Variants in BUD13 observed in about 807,000 individuals in gnomAD.
The protein encoded by BUD13 is BUD13 spliceosome associated protein.
BUD13 carries 47 observed loss-of-function variants against 62.5 expected under a neutral mutation model. The observed-to-expected ratio is 0.75, with a 90% CI of 0.60 to 0.96. The LOEUF is 0.96. BUD13 is among the 40% of genes least tolerant of loss of function. BUD13 has a pLI of 0.00. For missense variants in BUD13, 821 were observed against 790.9 expected (o/e 1.04, Z -0.46); for synonymous variants, 293 against 280.1 (o/e 1.05, Z -0.46).
At position 116,748,201 on chromosome 11, in the gene BUD13, A is replaced by G. The variant is rs1196125633; in HGVS notation, c.*281T>C. On this transcript the variant is annotated 3_prime_UTR_variant, in exon 10 of 10. Transcript: ENST00000260210. ...TAAAAAAATAAATACATGTTTATTT[A>G]AAAAAGAAAAAGAAAAACCCTACCA... 3.1e-6 allele frequency: 1 copy of G among 320,580 alleles called. No homozygotes were observed. The highest frequency in any genetic ancestry group is 5.7e-6 in the Non-Finnish European group (1 of 175,540). 19.9% of individuals were successfully genotyped at this position (320,580 alleles called of 1,614,324 possible).
intron 3 of BUD13, 49 bp from the exon 4 acceptor site, chr11:116,763,315 C>G (rs764111004): frequency 6.8e-7 from 1 of 1,480,412 alleles, no homozygotes; most frequent in South Asian, 1.4e-5. Flanking sequence ...CTCTGTCCCT[C>G]TGTCCACCCC....
chr11:116,769,479 A>T (rs1232624389), intron 2 of BUD13, among the ~76,000 whole-genome samples: 2 of 152,216 alleles, frequency 1.3e-5, no homozygotes, highest in African/African-American at 4.8e-5. Context: ...AAAGGAGCAA[A>T]TAAAAAGTTC....
At chr11:116,749,614 C>T (rs898457572) in intron 9 of BUD13, among the ~76,000 whole-genome samples, 1 of 151,960 alleles carries the variant, frequency 6.6e-6, no homozygotes, top group African/African-American at 2.4e-5. Context: ...ATGGCTGGAA[C>T]CTGAAGTATG....
intron 6 of BUD13, 98 bp from the exon 7 acceptor site, chr11:116,758,505 A>C (rs1051177845): frequency 3.5e-5 from 49 of 1,383,932 alleles, no homozygotes; most frequent in Non-Finnish European, 4.4e-5. Context: ...CTAGATAAGA[A>C]CTTCTGCAGC....
At chr11:116,752,137 G>C (rs753675016) in intron 9 of BUD13, among the ~76,000 whole-genome samples, 2 of 152,030 alleles carry the variant, frequency 1.3e-5, no homozygotes, top group African/African-American at 4.8e-5. Flanking sequence ...TAGTAGAGAC[G>C]AGGTTTCACC....
At chr11:116,752,553 A>C (rs981008241) in intron 9 of BUD13, among the ~76,000 whole-genome samples, 1 of 152,166 alleles carries the variant, frequency 6.6e-6, no homozygotes, top group Non-Finnish European at 1.5e-5. Context: ...ATTAAAAAAC[A>C]AAAAACAAAA....
At position 116,757,829 on chromosome 11, in the gene BUD13, C is replaced by T; in HGVS notation, c.1621G>A (p.Glu541Lys). 1 of 1,614,184 alleles carries T rather than the reference C, an allele frequency of 6.2e-7. No individual in the cohort carries two copies. Among genetic ancestry groups the T allele is most frequent in the Non-Finnish European group, 8.5e-7 (1 of 1,180,030 alleles). Residue 541 changes from glutamate to lysine, a missense_variant, in exon 8 of 10, where the codon GAG becomes AAG. Around this residue, in one of 2 missense-constraint regions of BUD13, gnomAD observed 800 missense variants for 739.2 expected, o/e 1.08. Transcript: ENST00000260210. ...LDRMLREQER[E>K]GDPMANFIKK... is the part of the protein sequence containing the mutation. ...ATGAAGTTGGCCATAGGGTCCCCCTCTCTTTCCTGTTCTCTTAGCATCCTA... is the reference window on the plus strand; with the variant it reads ...ATGAAGTTGGCCATAGGGTCCCCCTTTCTTTCCTGTTCTCTTAGCATCCTA...
In BUD13 at chr11:116,758,314, T is replaced by C. The variant is rs1300179722; in HGVS notation, c.1454A>G (p.Glu485Gly). 6.2e-7 allele frequency: 1 copy of C among 1,614,242 alleles called. No individual in the cohort carries two copies. Residue 485 changes from glutamate to glycine, a missense_variant, in exon 7 of 10, where the codon GAA (glutamate) becomes GGA (glycine). Coordinates refer to ENST00000260210, the MANE Select transcript of BUD13 (RefSeq NM_032725.4). ...LERLEQRRKA[E>G]KDSERDELYA... ...CAGCTCATCTCTCTCTGAGTCCTTTTCTGCTTTCCTCCTTTGCTCTAAACG... is the reference window on the plus strand; with the variant it reads ...CAGCTCATCTCTCTCTGAGTCCTTTCCTGCTTTCCTCCTTTGCTCTAAACG...
Position 116,750,110 on chromosome 11 carries a change from T to C in BUD13, c.1767-1535A>G, listed in dbSNP as rs200143512. On this transcript the variant is annotated intron_variant, in intron 9 of 9. Transcript: ENST00000260210. ...TTGGAAATCATGTACATATAGGTCA[T>C]AGTTGAAAACATGACTAGGTAAGAA... 2.0e-5 allele frequency among the ~76,000 whole-genome samples: 3 copies of C among 152,306 alleles called. No homozygotes were observed. The East Asian group carries it at 5.8e-4, about 29-fold the overall frequency.
chr11:116,759,923 C>T (rs1035513974), intron 5 of BUD13, among the ~76,000 whole-genome samples: 6 of 152,168 alleles, frequency 3.9e-5, no homozygotes, highest in African/African-American at 9.7e-5. Context: ...GAGAAAAATG[C>T]ACATCACAGG....
chr11:116,761,832 T>C (rs1379801278), intron 4 of BUD13, among the ~76,000 whole-genome samples: 2 of 152,222 alleles, frequency 1.3e-5, no homozygotes, highest in African/African-American at 4.8e-5. Flanking sequence ...TTCTGCAATA[T>C]GTATCGACAG....
Position 116,760,858 on chromosome 11 carries a change from T to C in BUD13, c.1131A>G (p.Pro377=). 1 of 1,614,108 alleles carries C rather than the reference T, an allele frequency of 6.2e-7. No individual in the cohort carries two copies. Among genetic ancestry groups the C allele is most frequent in the Non-Finnish European group, 8.5e-7 (1 of 1,180,002 alleles). The change falls in exon 5 of 10, where the codon CCA becomes CCG. Residue 377 remains proline, a synonymous_variant. Transcript: ENST00000260210. ...HQDSDSDLSP[P]RNRPRHRSSD... ...AGCTCCGGTGTCTAGGTCTATTCCGTGGAGGTGACAGATCTGAATCAGAAT... is the reference window on the plus strand; with the variant it reads ...AGCTCCGGTGTCTAGGTCTATTCCGCGGAGGTGACAGATCTGAATCAGAAT...
Position 116,759,019 on chromosome 11 carries a change from A to T in BUD13, c.1360+55T>A, listed in dbSNP as rs535721326. On this transcript the variant is annotated intron_variant, in intron 6 of 9. Transcript: ENST00000260210. Reference sequence around the variant, plus strand: ...AATATCAGGTACAATAAGCTAAATTAAAAAAAAAAAAACAGTATGAGCCTA... The same window carrying T: ...AATATCAGGTACAATAAGCTAAATTTAAAAAAAAAAAACAGTATGAGCCTA... 1,476 of 496,940 alleles carry T rather than the reference A, an allele frequency of 3.0e-3. 17 individuals carry two copies. The African/African-American group carries it at 0.084, about 28-fold the overall frequency. 30.8% of individuals were successfully genotyped at this position (496,940 alleles called of 1,614,324 possible). A position where few individuals can be genotyped will look rare whatever the true frequency, so the allele number is the denominator to read the frequency against.
Position 116,748,518 on chromosome 11 carries a change from C to T in BUD13, c.1824G>A (p.Glu608=), listed in dbSNP as rs1940178797. The T allele has an allele frequency of 6.2e-7, 1 of 1,614,260 alleles. No individual in the cohort carries two copies. The highest frequency in any genetic ancestry group is 8.5e-7 in the Non-Finnish European group (1 of 1,180,038). The change falls in exon 10 of 10, where the codon GAG becomes GAA. Residue 608 remains glutamate, a synonymous_variant. Transcript: ENST00000260210. ...CAACACTCCATTTGTAGGCAAGTTCCTCCACTGCCTTCTTGCTGGCAAGCC... is the reference window on the plus strand; with the variant it reads ...CAACACTCCATTTGTAGGCAAGTTCTTCCACTGCCTTCTTGCTGGCAAGCC... ...FARLASKKAV[E]ELAYKWSVED... is the part of the protein sequence containing the mutation.
In BUD13 at chr11:116,762,929, A is replaced by C; in HGVS notation, c.660T>G (p.His220Gln). Residue 220 changes from histidine (H) to glutamine (Q), a missense_variant, in exon 4 of 10, where the codon CAT becomes CAG. Physicochemically the swap from His to Gln is conservative, Grantham distance 24 (BLOSUM62 0). Coordinates refer to ENST00000260210, the MANE Select transcript of BUD13 (RefSeq NM_032725.4). The part of the protein sequence containing the change: ...SSGASPRRVR[H>Q]DSPDPSPPRR... ...TAGGAGGAGAGGGATCTGGTGAATC[A>C]TGACGGACTCTCCTAGGAGATGCAC... 6.2e-7 allele frequency: 1 copy of C among 1,614,128 alleles called. No homozygotes were observed. The highest frequency in any genetic ancestry group is 1.1e-5 in the South Asian group (1 of 91,088).
intron 1 of BUD13, among the ~76,000 whole-genome samples, chr11:116,771,403 C>T (rs1462430585): frequency 2.0e-5 from 3 of 152,136 alleles, no homozygotes; most frequent in South Asian, 2.1e-4. Flanking sequence ...ATGTTTGTTA[C>T]GTGGATAAAC....
chr11:116,762,833 A>G lies in BUD13; in HGVS notation c.756T>C (p.Ser252=). ...RRVHNNSPDT[S]RRTLGSSDTQ... ...TGTCTGAAGAGCCAAGAGTCCTCCT[A>G]GATGTGTCAGGGGAGTTGTTATGGA... Residue 252 remains serine (S), a synonymous_variant, in exon 4 of 10, where the codon TCT becomes TCC. Coordinates refer to ENST00000260210, the MANE Select transcript of BUD13 (RefSeq NM_032725.4). The G allele has an allele frequency of 6.2e-7, 1 of 1,613,516 alleles. No individual in the cohort carries two copies.
intron 9 of BUD13, among the ~76,000 whole-genome samples, chr11:116,756,858 C>T (rs1048267014): frequency 2.0e-5 from 3 of 152,138 alleles, no homozygotes; most frequent in African/African-American, 7.2e-5. Context: ...CCCTCTAAAC[C>T]TTACAAAATA....
chr11:116,772,728 C>G (rs899312293), intron 1 of BUD13, 94 bp downstream of exon 1: 1 of 1,398,072 alleles, frequency 7.2e-7, no homozygotes, highest in Non-Finnish European at 9.3e-7. Context: ...CCGAGAGACC[C>G]GCCAAGAGGG....
Sources: gnomAD v4.1 joint callset for allele counts (sites outside exome capture counted in the v4.1 genomes callset) on GRCh38, gnomAD v4.1.1 for gene constraint, gnomAD v4.1.1 regional missense constraint, MANE v1.5 for transcripts, NCBI Gene and HGNC (gene_info 2026-07-23, HGNC 2026-07-21) for gene names.